Variants in MSH3 observed in about 807,000 individuals in gnomAD.
MSH3 encodes the protein DNA mismatch repair protein Msh3.
Under a neutral mutation model 123.3 loss-of-function variants are expected in MSH3, and 106 were observed. The observed-to-expected ratio is 0.86, with a 90% CI of 0.73 to 1.01. MSH3 has a LOEUF of 1.01. Ranked by LOEUF, MSH3 falls within the 50% of genes least tolerant of loss-of-function variation. The pLI is 0.00. For missense variants in MSH3, 1,459 were observed against 1,347.6 expected (o/e 1.08, Z -1.29); for synonymous variants, 515 against 481.4 (o/e 1.07, Z -0.91).
At chr5:80,833,378 AT>A (rs1291742739) in intron 20 of MSH3, among the ~76,000 whole-genome samples, 3 of 152,186 alleles carry the variant, frequency 2.0e-5, no homozygotes, top group African/African-American at 7.2e-5. Flanking sequence ...TTTTAACATC[AT>A]TGTCTAGTAT....
intron 19 of MSH3, among the ~76,000 whole-genome samples, chr5:80,813,200 C>A (rs907226679): frequency 6.6e-6 from 1 of 152,084 alleles, no homozygotes; most frequent in African/African-American, 2.4e-5. Flanking sequence ...TGCTGCCAAC[C>A]CCAAATAGGG....
chr5:80,756,814 T>C (rs1237008956), intron 12 of MSH3, among the ~76,000 whole-genome samples: 2 of 152,296 alleles, frequency 1.3e-5, no homozygotes, highest in East Asian at 3.9e-4. Flanking sequence ...TCATTGAATG[T>C]AAGAATGAAT....
At chr5:80,701,650 A>G (rs1349064799) in intron 8 of MSH3, among the ~76,000 whole-genome samples, 2 of 152,194 alleles carry the variant, frequency 1.3e-5, no homozygotes, top group Admixed American at 1.3e-4. Flanking sequence ...ACCTGAAGTC[A>G]AAAACTTGAG....
intron 16 of MSH3, among the ~76,000 whole-genome samples, chr5:80,776,304 A>G (rs1298470485): frequency 6.6e-6 from 1 of 152,192 alleles, no homozygotes; most frequent in East Asian, 1.9e-4. Context: ...CTTGTTTTGT[A>G]AATTATTGCT....
intron 22 of MSH3, among the ~76,000 whole-genome samples, chr5:80,869,661 G>C (rs1253374367): frequency 1.3e-5 from 2 of 151,494 alleles, no homozygotes; most frequent in African/African-American, 4.9e-5. Context: ...ATGTTAACAA[G>C]GTATTCAGAG....
intron 20 of MSH3, among the ~76,000 whole-genome samples, chr5:80,841,407 T>A (rs898279435): frequency 1.1e-4 from 17 of 152,234 alleles, no homozygotes; most frequent in African/African-American, 4.1e-4. Flanking sequence ...TATAATCCTT[T>A]GGGTATATAC....
Position 80,786,235 on chromosome 5 carries a change from T to A in MSH3, c.2436-1330T>A, listed in dbSNP as rs527671320. ...ATGTATGCACAAAAATAAGGCAAGA[T>A]GCTAGTAGGAGTCTGTAAAATTGCA... On this transcript the variant is annotated intron_variant, in intron 17 of 23. Transcript: ENST00000265081. Among the ~76,000 whole-genome samples the A allele has an allele frequency of 4.6e-5, 7 of 152,252 alleles. No homozygotes were observed. The South Asian group carries it at 1.5e-3, about 32-fold the overall frequency.
In MSH3 at chr5:80,873,245, C is replaced by T. The variant is rs1419850679; in HGVS notation, c.3260C>T (p.Ala1087Val). 6.2e-7 allele frequency: 1 copy of T among 1,613,910 alleles called. No individual in the cohort carries two copies. The highest frequency in any genetic ancestry group is 2.2e-5 in the East Asian group (1 of 44,828). The change falls in exon 23 of 24, where the codon GCT (alanine) becomes GTT (valine). Residue 1087 changes from alanine (A) to valine (V), a missense_variant. Physicochemically the swap from Ala to Val is moderately conservative, Grantham distance 64. Coordinates refer to ENST00000265081, the MANE Select transcript of MSH3 (RefSeq NM_002439.5). ...DVPGEILKKA[A>V]HKSKELEGLI... is the part of the protein sequence containing the mutation. ...CCTGGAGAAATTTTGAAGAAAGCAG[C>T]TCACAAGTCAAAAGAGCTGGAAGGA... is the stretch of plus-strand genomic sequence containing the variant.
intron 20 of MSH3, among the ~76,000 whole-genome samples, chr5:80,843,738 A>T (rs1362669819): frequency 6.6e-6 from 1 of 152,018 alleles, no homozygotes; most frequent in Non-Finnish European, 1.5e-5. Flanking sequence ...TTTCTGTGGG[A>T]TCGGTGGTAA....
At position 80,708,394 on chromosome 5, in the gene MSH3, T is replaced by C. The variant is rs936563641; in HGVS notation, c.1341-17059T>C. On this transcript the variant is annotated intron_variant, in intron 8 of 23. Transcript: ENST00000265081. ...TCCACACTGTTTATAGAAAAGACTT[T>C]TATATGCATTGAATTATGTTGATGC... is the stretch of plus-strand genomic sequence containing the variant. 1.2e-4 allele frequency among the ~76,000 whole-genome samples: 18 copies of C among 152,254 alleles called. No individual in the cohort carries two copies. In the East Asian group the frequency reaches 2.7e-3, roughly 23 times the overall value.
chr5:80,708,930 A>G (rs916464426), intron 8 of MSH3, among the ~76,000 whole-genome samples: 1 of 151,670 alleles, frequency 6.6e-6, no homozygotes, highest in African/African-American at 2.4e-5. Flanking sequence ...GCCCACTACC[A>G]TGTCTGGCTA....
intron 20 of MSH3, among the ~76,000 whole-genome samples, chr5:80,833,296 A>G (rs1745450867): frequency 1.3e-5 from 2 of 152,112 alleles, no homozygotes; most frequent in Non-Finnish European, 2.9e-5. Context: ...ATTTTTTACT[A>G]CATTTGACTG....
chr5:80,779,615 A>G (rs1221572741), intron 17 of MSH3, among the ~76,000 whole-genome samples: 2 of 150,078 alleles, frequency 1.3e-5, no homozygotes, highest in Admixed American at 6.6e-5. Context: ...CAGTGGCGCA[A>G]TCTTGGCTCA....
At chr5:80,659,859 T>A (rs188456631) in intron 2 of MSH3, among the ~76,000 whole-genome samples, 2 of 152,214 alleles carry the variant, frequency 1.3e-5, no homozygotes, top group South Asian at 4.1e-4. Context: ...TACTCTATAA[T>A]GCATTCATTC....
chr5:80,834,071 G>C (rs1256934794), intron 20 of MSH3, among the ~76,000 whole-genome samples: 3 of 152,182 alleles, frequency 2.0e-5, no homozygotes, highest in Non-Finnish European at 4.4e-5. Flanking sequence ...TAGCCTTGAT[G>C]ACTGGTTCAT....
intron 15 of MSH3, among the ~76,000 whole-genome samples, chr5:80,774,888 C>T (rs1432167758): frequency 1.3e-5 from 2 of 151,916 alleles, no homozygotes; most frequent in Non-Finnish European, 2.9e-5. Flanking sequence ...TGAATAAAAC[C>T]TAGTATTGAT....
intron 20 of MSH3, among the ~76,000 whole-genome samples, chr5:80,842,434 C>G (rs1024312820): frequency 1.3e-5 from 2 of 152,064 alleles, no homozygotes; most frequent in Non-Finnish European, 2.9e-5. Flanking sequence ...TTTTCCAATT[C>G]TGTGAAGAAA....
intron 21 of MSH3, among the ~76,000 whole-genome samples, chr5:80,856,519 G>A (rs1745922807): frequency 7.4e-6 from 1 of 134,680 alleles, no homozygotes; most frequent in Non-Finnish European, 1.5e-5. Flanking sequence ...CATGGGCACA[G>A]GAAGGGGAAC....
Position 80,813,730 on chromosome 5 carries a change from CA to C in MSH3, c.2803del (p.Ile935PhefsTer22), listed in dbSNP as rs766672143. 2.1e-5 allele frequency: 34 copies of C among 1,614,120 alleles called. No individual in the cohort carries two copies. Among genetic ancestry groups the C allele is most frequent in the Non-Finnish European group, 2.9e-5 (34 of 1,179,990 alleles). On this transcript the variant is annotated frameshift_variant, in exon 20 of 24. Coordinates refer to ENST00000265081, the MANE Select transcript of MSH3 (RefSeq NM_002439.5). LOFTEE classifies it high-confidence loss of function. Reference protein sequence around the residue: ...EEATIGIVDGIFTRMGAADNI... With the variant: ...EEATIGIVDGXFTRMGAADNI... ...AAGCGACAATTGGGATTGTGGATGG[CA>C]TTTTCACAAGGTAAGTACGTTAATT... is the stretch of plus-strand genomic sequence containing the variant.
Sources: gnomAD v4.1 joint callset for allele counts (sites outside exome capture counted in the v4.1 genomes callset) on GRCh38, gnomAD v4.1.1 for gene constraint, MANE v1.5 for transcripts, NCBI Gene and HGNC (gene_info 2026-07-23, HGNC 2026-07-21) for gene names.